Variants in CRPPA observed in about 807,000 individuals in gnomAD.
The protein encoded by CRPPA is CDP-L-ribitol pyrophosphorylase A.
Under a neutral mutation model 52.0 loss-of-function variants are expected in CRPPA, and 43 were observed. That is an observed-to-expected ratio of 0.83 (90% CI 0.65 to 1.07). The LOEUF (loss-of-function observed/expected upper bound fraction) is 1.07. Ranked by LOEUF, CRPPA falls within the 50% of genes least tolerant of loss-of-function variation. The pLI, the probability that CRPPA is intolerant of heterozygous loss-of-function variation, is 0.00. For synonymous variants in CRPPA, 250 were observed against 203.5 expected (o/e 1.23, Z -1.94); for missense variants, 629 against 551.7 (o/e 1.14, Z -1.40).
chr7:16,107,348 A>G (rs1276362140), intron 9 of CRPPA, among the ~76,000 whole-genome samples: 2 of 152,178 alleles, frequency 1.3e-5, no homozygotes, highest in African/African-American at 4.8e-5. Context: ...CAAAAAATAA[A>G]TAAAATTCTG....
rs143002547 is a variant in CRPPA, at chr7:16,105,496, T to C, written c.1252-13697A>G. 1.1e-3 allele frequency among the ~76,000 whole-genome samples: 172 copies of C among 152,252 alleles called. 1 individual carries two copies. Among genetic ancestry groups the C allele is most frequent in the South Asian group, 3.5e-3 (17 of 4,816 alleles). On this transcript the variant is annotated intron_variant, in intron 9 of 9. Transcript: ENST00000407010. ...TAGAAAGCCCACTTTGGTTTTATTA[T>C]TTCATAGAAAACAGTAGTGAAAATG...
intron 9 of CRPPA, among the ~76,000 whole-genome samples, chr7:16,125,414 T>C (rs1209277381): frequency 6.6e-6 from 1 of 150,766 alleles, no homozygotes; most frequent in Non-Finnish European, 1.5e-5. Flanking sequence ...TGGGGCCATT[T>C]ATATAGCATA....
chr7:16,197,500 C>T (rs1040061070), intron 9 of CRPPA, among the ~76,000 whole-genome samples: 2 of 151,686 alleles, frequency 1.3e-5, no homozygotes, highest in East Asian at 2.0e-4. Flanking sequence ...CCCATACTTG[C>T]GCAGCATTTT....
chr7:16,400,787 C>T (rs539883386), intron 2 of CRPPA, among the ~76,000 whole-genome samples: 1 of 152,342 alleles, frequency 6.6e-6, no homozygotes, highest in South Asian at 2.1e-4. Context: ...GACACATGCC[C>T]AACATATGCC....
rs559035829 is a variant in CRPPA, at chr7:16,219,167, C to A, written c.1120-2970G>T. On this transcript the variant is annotated intron_variant, in intron 8 of 9. Transcript: ENST00000407010. ...TCAAAACCGCTCAACTACATGGAAA[C>A]TGAACAACCTGCTCCTGAATGACTA... Among the ~76,000 whole-genome samples the A allele has an allele frequency of 1.6e-3, 242 of 152,002 alleles. 2 individuals carry two copies. The highest frequency in any genetic ancestry group is 5.5e-3 in the African/African-American group (228 of 41,454).
intron 3 of CRPPA, among the ~76,000 whole-genome samples, chr7:16,375,262 C>T (rs1786852528): frequency 6.6e-6 from 1 of 152,250 alleles, no homozygotes; most frequent in Middle Eastern, 3.4e-3. Context: ...TTACCTAATT[C>T]TTCCTCACCT....
At chr7:16,098,754 A>G (rs1297627850) in intron 9 of CRPPA, among the ~76,000 whole-genome samples, 1 of 152,222 alleles carries the variant, frequency 6.6e-6, no homozygotes, top group Non-Finnish European at 1.5e-5. Context: ...TATGGAAGAA[A>G]AAACCTAACG....
intron 9 of CRPPA, among the ~76,000 whole-genome samples, chr7:16,115,488 T>G (rs1218097826): frequency 1.3e-5 from 2 of 152,206 alleles, no homozygotes; most frequent in Non-Finnish European, 2.9e-5. Flanking sequence ...AGTGTTTCTG[T>G]GTCTAGAAAT....
intron 9 of CRPPA, among the ~76,000 whole-genome samples, chr7:16,197,792 A>G (rs1781770363): frequency 6.6e-6 from 1 of 150,554 alleles, no homozygotes; most frequent in South Asian, 2.1e-4. Context: ...AGGAGACTCC[A>G]TTTTGTTATG....
intron 3 of CRPPA, among the ~76,000 whole-genome samples, chr7:16,312,255 T>C (rs1785049966): frequency 1.3e-5 from 2 of 152,014 alleles, no homozygotes; most frequent in African/African-American, 4.8e-5. Flanking sequence ...TCCACAAACA[T>C]GGGACACCTC....
chr7:16,142,763 G>A (rs1347761199), intron 9 of CRPPA, among the ~76,000 whole-genome samples: 1 of 152,002 alleles, frequency 6.6e-6, no homozygotes, highest in Non-Finnish European at 1.5e-5. Flanking sequence ...ATTCTAATGA[G>A]GTATTAATCA....
At chr7:16,286,097 A>AAAATATATATATATATATATATAT in intron 5 of CRPPA, among the ~76,000 whole-genome samples, 3 of 39,118 alleles carry the variant, frequency 7.7e-5, no homozygotes, top group African/African-American at 5.5e-4. Context: ...TAAAAAAAAA[A>AAAATATATATATATATATATATAT]ATATATATAT....
chr7:16,140,502 C>T (rs1229996129), intron 9 of CRPPA, among the ~76,000 whole-genome samples: 1 of 152,150 alleles, frequency 6.6e-6, no homozygotes, highest in Admixed American at 6.6e-5. Context: ...GCGGTATATG[C>T]TTTAGTCATA....
chr7:16,421,345 C>T lies in CRPPA; in HGVS notation c.-23G>A. On this transcript the variant is annotated 5_prime_UTR_variant, in exon 1 of 10. Transcript: ENST00000407010. ...CATGGCTGCGGGCGGAACGGCGAGCCCCGCTAGCCTCGGGCCGATGCGACC... is the reference window on the plus strand; with the variant it reads ...CATGGCTGCGGGCGGAACGGCGAGCTCCGCTAGCCTCGGGCCGATGCGACC... 1.6e-6 allele frequency: 2 copies of T among 1,237,240 alleles called. No individual in the cohort carries two copies. Among genetic ancestry groups the T allele is most frequent in the Non-Finnish European group, 2.0e-6 (2 of 988,802 alleles). 76.6% of individuals were successfully genotyped at this position (1,237,240 alleles called of 1,614,324 possible). A position where few individuals can be genotyped will look rare whatever the true frequency, so the allele number is the denominator to read the frequency against.
At chr7:16,399,536 G>A (rs1382170997) in intron 2 of CRPPA, among the ~76,000 whole-genome samples, 1 of 152,014 alleles carries the variant, frequency 6.6e-6, no homozygotes, top group Admixed American at 6.6e-5. Context: ...ACACGTGACT[G>A]ACACGAGATT....
intron 9 of CRPPA, among the ~76,000 whole-genome samples, chr7:16,149,894 G>A (rs185222755): frequency 2.6e-4 from 40 of 151,844 alleles, no homozygotes; most frequent in African/African-American, 9.7e-4. Context: ...GCTGAGGCAG[G>A]AGAACTGATT....
chr7:16,124,824 C>G (rs1174234422), intron 9 of CRPPA, among the ~76,000 whole-genome samples: 1 of 151,120 alleles, frequency 6.6e-6, no homozygotes, highest in African/African-American at 2.4e-5. Context: ...CACATTGTAC[C>G]CATAAATATG....
chr7:16,367,986 A>T (rs1562657321), intron 3 of CRPPA, among the ~76,000 whole-genome samples: 1 of 152,164 alleles, frequency 6.6e-6, no homozygotes, highest in African/African-American at 2.4e-5. Context: ...ATGAATTTTC[A>T]TTCAAACCTA....
intron 9 of CRPPA, among the ~76,000 whole-genome samples, chr7:16,175,132 A>G (rs1370914918): frequency 2.0e-5 from 3 of 152,192 alleles, no homozygotes; most frequent in African/African-American, 7.2e-5. Context: ...TCTTAATATT[A>G]AAGTTAAATA....
Sources: gnomAD v4.1 joint callset for allele counts (sites outside exome capture counted in the v4.1 genomes callset) on GRCh38, gnomAD v4.1.1 for gene constraint, MANE v1.5 for transcripts, NCBI Gene and HGNC (gene_info 2026-07-23, HGNC 2026-07-21) for gene names.